The following NDUFAB1 variants were observed in gnomAD, a reference collection of about 807,000 sequenced individuals.
The protein encoded by NDUFAB1 is NADH:ubiquinone oxidoreductase subunit AB1.
In NDUFAB1, 5 loss-of-function variants were observed where a neutral mutation model predicts 16.1. The observed-to-expected ratio is 0.31, with a 90% CI of 0.16 to 0.65. The LOEUF is 0.65. Ranked by LOEUF, NDUFAB1 falls within the 30% of genes least tolerant of loss-of-function variation. The pLI, the probability that NDUFAB1 is intolerant of heterozygous loss-of-function variation, is 0.77. For missense variants in NDUFAB1, 187 were observed against 205.3 expected (o/e 0.91, Z 0.54); for synonymous variants, 85 against 78.4 (o/e 1.08, Z -0.44).
chr16:23,587,600 G>A (rs757787671), intron 1 of NDUFAB1, among the ~76,000 whole-genome samples: 8 of 152,200 alleles, frequency 5.3e-5, no homozygotes, highest in African/African-American at 9.6e-5. Flanking sequence ...ACTGCTCTGC[G>A]ACACTAACTG....
chr16:23,587,026 G>A (rs1269440081), intron 2 of NDUFAB1, among the ~76,000 whole-genome samples, 171 bp downstream of exon 2: 1 of 152,178 alleles, frequency 6.6e-6, no homozygotes, highest in Non-Finnish European at 1.5e-5. Flanking sequence ...CATATGCATT[G>A]AGTACCTTTG....
At chr16:23,593,847 CCCTTATT>C (rs1966298926) in intron 1 of NDUFAB1, among the ~76,000 whole-genome samples, 1 of 147,920 alleles carries the variant, frequency 6.8e-6, no homozygotes, top group African/African-American at 2.5e-5. Flanking sequence ...GCCTTTTTAA[CCCTTATT>C]TATTTATTTA....
chr16:23,582,073 C>T, intron 4 of NDUFAB1: 1 of 459,054 alleles, frequency 2.2e-6, no homozygotes, highest in East Asian at 4.3e-5. Flanking sequence ...GAGTTCTATC[C>T]AGGAATGACA....
intron 1 of NDUFAB1, among the ~76,000 whole-genome samples, chr16:23,588,245 A>C (rs917952930): frequency 2.6e-5 from 4 of 152,138 alleles, no homozygotes; most frequent in Admixed American, 2.6e-4. Flanking sequence ...ACCTGAGGTC[A>C]GGAGTTCGAG....
At chr16:23,584,403 G>A (rs1251436506) in intron 3 of NDUFAB1, among the ~76,000 whole-genome samples, 4 of 151,406 alleles carry the variant, frequency 2.6e-5, no homozygotes, top group African/African-American at 9.7e-5. Flanking sequence ...GTCATCTTCT[G>A]TGTCTGGCTT....
rs1966241675 is a variant in NDUFAB1 at position 23,587,280 on chromosome 16, C to T, written c.208G>A (p.Asp70Asn). 4.3e-6 allele frequency: 7 copies of T among 1,613,992 alleles called. No individual in the cohort carries two copies. The highest frequency in any genetic ancestry group is 5.9e-6 in the Non-Finnish European group (7 of 1,179,912). ...RVTQLCRQYS[D>N]MPPLTLEGIQ... ...CCCTCTAACGTCAAAGGAGGCATGT[C>T]GCTATACTGGCGGCACAACTGTGTA... Residue 70 changes from aspartate (D) to asparagine (N), a missense_variant, in exon 2 of 5, where the codon GAC (aspartate) becomes AAC (asparagine). Transcript: ENST00000007516.
At chr16:23,583,411 C>T (rs955222857) in intron 3 of NDUFAB1, among the ~76,000 whole-genome samples, 13 of 151,372 alleles carry the variant, frequency 8.6e-5, no homozygotes, top group Admixed American at 3.3e-4. Flanking sequence ...AAGTGAGGAG[C>T]GCCTCTTCCC....
chr16:23,590,535 A>C (rs1474797601), intron 1 of NDUFAB1, among the ~76,000 whole-genome samples: 1 of 152,020 alleles, frequency 6.6e-6, no homozygotes, highest in South Asian at 2.1e-4. Context: ...ATTTAGTAGG[A>C]TCCTGAGAAC....
intron 1 of NDUFAB1, among the ~76,000 whole-genome samples, chr16:23,595,881 T>G (rs1966320986): frequency 6.6e-6 from 1 of 152,212 alleles, no homozygotes; most frequent in Admixed American, 6.5e-5. Flanking sequence ...GTCCAAAGTT[T>G]CGGTAAGCGG....
chr16:23,585,850 G>A (rs1966228029), intron 2 of NDUFAB1, among the ~76,000 whole-genome samples: 1 of 152,126 alleles, frequency 6.6e-6, no homozygotes, highest in Non-Finnish European at 1.5e-5. Context: ...ATGCTAGTAT[G>A]TACATGGTTT....
chr16:23,588,077 G>A (rs895820348), intron 1 of NDUFAB1, among the ~76,000 whole-genome samples: 3 of 152,254 alleles, frequency 2.0e-5, no homozygotes, highest in Non-Finnish European at 1.5e-5. Context: ...GCAATTACAG[G>A]TCAGGGGGTT....
At chr16:23,594,355 T>C (rs925093703) in intron 1 of NDUFAB1, among the ~76,000 whole-genome samples, 2 of 152,090 alleles carry the variant, frequency 1.3e-5, no homozygotes, top group Non-Finnish European at 2.9e-5. Context: ...TCTGTCGATC[T>C]GGCACGGGCT....
Position 23,582,313 on chromosome 16 carries a change from T to C in NDUFAB1, c.442A>G (p.Ile148Val), listed in dbSNP as rs755674103. 4 of 1,576,948 alleles carry C rather than the reference T, an allele frequency of 2.5e-6. No individual in the cohort carries two copies. The highest frequency in any genetic ancestry group is 4.5e-5 in the East Asian group (2 of 44,298). The part of the protein sequence containing the change: ...LMCPQEIVDY[I>V]ADKKDVYE ...TCATATACATCCTTCTTATCTGCAATGTAATCTACAATTTCTTGTGGACAC... is the reference window on the plus strand; with the variant it reads ...TCATATACATCCTTCTTATCTGCAACGTAATCTACAATTTCTTGTGGACAC... Residue 148 changes from isoleucine to valine, a missense_variant, in exon 4 of 5, where the codon ATT becomes GTT. This residue lies in a region of NDUFAB1 where 32 missense variants were observed against 28.8 expected (regional missense o/e 1.11). Transcript: ENST00000007516.
chr16:23,582,236 A>G (rs1249957187), intron 4 of NDUFAB1, 40 bp downstream of exon 4: 2 of 1,395,998 alleles, frequency 1.4e-6, no homozygotes, highest in African/African-American at 1.5e-5. Context: ...AGAACCACAG[A>G]CAAATCTATG....
chr16:23,581,083 C>G lies in NDUFAB1; in HGVS notation c.*99G>C, dbSNP rs1359836769. The G allele has an allele frequency of 6.6e-6, 1 of 152,652 alleles. No homozygotes were observed. Among genetic ancestry groups the G allele is most frequent in the East Asian group, 1.9e-4 (1 of 5,204 alleles). The allele number at this position is 152,652 out of a possible 1,614,324, so 9.5% of individuals were successfully genotyped here. A position where few individuals can be genotyped will look rare whatever the true frequency, so the allele number is the denominator to read the frequency against. ...TAAATACAAGTCCATCAGAATCACT[C>G]TGTCAGAGTCAGCAAGAATGCCAAA... is the stretch of plus-strand genomic sequence containing the variant. On this transcript the variant is annotated 3_prime_UTR_variant, in exon 5 of 5. Coordinates refer to ENST00000007516, the MANE Select transcript of NDUFAB1 (RefSeq NM_005003.3).
At chr16:23,591,502 C>T (rs2142237720) in intron 1 of NDUFAB1, among the ~76,000 whole-genome samples, 1 of 152,332 alleles carries the variant, frequency 6.6e-6, no homozygotes, top group East Asian at 1.9e-4. Flanking sequence ...ACCTCTCAAA[C>T]TCAACAGTTT....
At chr16:23,586,772 C>T (rs1966236865) in intron 2 of NDUFAB1, among the ~76,000 whole-genome samples, 1 of 152,324 alleles carries the variant, frequency 6.6e-6, no homozygotes, top group Admixed American at 6.5e-5. Flanking sequence ...CCTCAGCCTC[C>T]CGAGTAGCTG....
Position 23,584,192 on chromosome 16 carries a change from T to C in NDUFAB1, c.379+1144A>G, listed in dbSNP as rs1329815555. 2.3e-4 allele frequency among the ~76,000 whole-genome samples: 31 copies of C among 133,394 alleles called. No homozygotes were observed. The East Asian group carries it at 5.0e-3, about 22-fold the overall frequency. 87.5% of individuals were successfully genotyped at this position (133,394 alleles called of 152,430 possible). A position where few individuals can be genotyped will look rare whatever the true frequency, so the allele number is the denominator to read the frequency against. ...CACTTGTTTACCTGCTGACCTTCCC[T>C]CCACTATTGTCCTATGACCCTGCCA... On this transcript the variant is annotated intron_variant, in intron 3 of 4. Transcript: ENST00000007516.
intron 1 of NDUFAB1, among the ~76,000 whole-genome samples, chr16:23,595,182 G>T (rs1966313288): frequency 6.6e-6 from 1 of 152,112 alleles, no homozygotes; most frequent in Non-Finnish European, 1.5e-5. Flanking sequence ...AACCTGAGAG[G>T]CGGAGGTTGC....
Sources: allele counts gnomAD v4.1 joint callset (sites outside exome capture counted in the v4.1 genomes callset), GRCh38; gene constraint gnomAD v4.1.1; regional missense constraint gnomAD v4.1.1; transcripts MANE v1.5; gene names NCBI Gene and HGNC (gene_info 2026-07-23, HGNC 2026-07-21).